The following WSCD2 variants were observed in gnomAD, a reference collection of about 807,000 sequenced individuals.
WSCD2 encodes sialate:O-sulfotransferase 2.
WSCD2 carries 28 observed loss-of-function variants against 55.7 expected under a neutral mutation model. The observed-to-expected ratio is 0.50, with a 90% CI of 0.37 to 0.69. The LOEUF (loss-of-function observed/expected upper bound fraction) is 0.69, where lower values mean the gene tolerates loss of function less well. WSCD2 is among the 30% of genes least tolerant of loss of function. The pLI is 0.00. For synonymous variants in WSCD2, 301 were observed against 301.9 expected, an observed-to-expected ratio of 1.00 and a Z score of 0.03; for missense variants, 616 against 762.1, an observed-to-expected ratio of 0.81 and a Z score of 2.26.
chr12:108,142,056 C>A (rs1040425026), intron 1 of WSCD2, among the ~76,000 whole-genome samples: 5 of 152,220 alleles, frequency 3.3e-5, no homozygotes, highest in Admixed American at 2.6e-4. Flanking sequence ...GTTTCTTAAT[C>A]TGCTTTAAGT....
At chr12:108,207,456 G>A (rs977965717) in intron 3 of WSCD2, among the ~76,000 whole-genome samples, 5 of 150,094 alleles carry the variant, frequency 3.3e-5, no homozygotes, top group African/African-American at 1.2e-4. Context: ...TGCAACCTCC[G>A]CCTCCCGGGT....
At chr12:108,161,637 A>G (rs151052355) in intron 1 of WSCD2, among the ~76,000 whole-genome samples, 25 of 152,276 alleles carry the variant, frequency 1.6e-4, no homozygotes, top group Admixed American at 4.6e-4. Context: ...GAGAGAATAA[A>G]TTTCTGCTGT....
chr12:108,242,833 T>C (rs1265739820), intron 8 of WSCD2, among the ~76,000 whole-genome samples: 1 of 152,092 alleles, frequency 6.6e-6, no homozygotes, highest in African/African-American at 2.4e-5. Context: ...TCTAAACCAA[T>C]ACTAAGGAAA....
intron 1 of WSCD2, among the ~76,000 whole-genome samples, chr12:108,135,736 G>A (rs987900962): frequency 1.3e-5 from 2 of 152,204 alleles, no homozygotes; most frequent in Non-Finnish European, 2.9e-5. Flanking sequence ...CATCCCAGAG[G>A]AAATATTGGA....
intron 1 of WSCD2, among the ~76,000 whole-genome samples, chr12:108,174,860 C>T (rs776434886): frequency 6.6e-6 from 1 of 152,148 alleles, no homozygotes; most frequent in Non-Finnish European, 1.5e-5. Context: ...GGGCTTCAAG[C>T]GATCCTCCTG....
intron 4 of WSCD2, among the ~76,000 whole-genome samples, chr12:108,221,358 C>G (rs1395335164): frequency 6.6e-6 from 1 of 152,064 alleles, no homozygotes; most frequent in Admixed American, 6.5e-5. Flanking sequence ...AGTTCCAGAC[C>G]AGCCTGGCCA....
intron 2 of WSCD2, among the ~76,000 whole-genome samples, chr12:108,197,942 C>T (rs953089744): frequency 1.3e-5 from 2 of 148,454 alleles, no homozygotes; most frequent in Non-Finnish European, 3.0e-5. Context: ...TCTGGGATGC[C>T]GTCTCCCCAG....
chr12:108,176,907 G>T (rs1000900708), intron 1 of WSCD2, among the ~76,000 whole-genome samples: 2 of 152,108 alleles, frequency 1.3e-5, no homozygotes, highest in Non-Finnish European at 2.9e-5. Flanking sequence ...ACGTGAAAGC[G>T]ATTAGAAGTG....
chr12:108,203,992 T>A lies in WSCD2; in HGVS notation c.383-2297T>A, dbSNP rs1885021856. ...ATTTTGAAAAGAGGAAAAGCGGAAGTAACATGAGTAGTTACCAGTCAGAAC... is the reference window on the plus strand; with the variant it reads ...ATTTTGAAAAGAGGAAAAGCGGAAGAAACATGAGTAGTTACCAGTCAGAAC... On this transcript the variant is annotated intron_variant, in intron 2 of 8. Transcript: ENST00000547525. Among the ~76,000 whole-genome samples, 7 of 152,346 alleles carry A rather than the reference T, an allele frequency of 4.6e-5. No individual in the cohort carries two copies. The South Asian group carries it at 1.5e-3, about 32-fold the overall frequency.
At chr12:108,173,807 T>G (rs1460101640) in intron 1 of WSCD2, among the ~76,000 whole-genome samples, 1 of 128,914 alleles carries the variant, frequency 7.8e-6, no homozygotes, top group Non-Finnish European at 1.7e-5. Context: ...GATTCCTGGC[T>G]CTCTGTGTGT....
chr12:108,158,032 C>T (rs1359827249), intron 1 of WSCD2, among the ~76,000 whole-genome samples: 2 of 152,130 alleles, frequency 1.3e-5, no homozygotes, highest in East Asian at 3.8e-4. Flanking sequence ...CCATGTCAGC[C>T]AACATCCTAC....
intron 1 of WSCD2, among the ~76,000 whole-genome samples, chr12:108,153,082 G>A (rs1022911985): frequency 3.4e-5 from 5 of 146,472 alleles, no homozygotes; most frequent in Non-Finnish European, 7.6e-5. Flanking sequence ...CAGCCTGGGT[G>A]ACAGAGTGAG....
At chr12:108,211,665 A>ATATATATATATATT (rs1565970125) in intron 4 of WSCD2, among the ~76,000 whole-genome samples, 2 of 147,694 alleles carry the variant, frequency 1.4e-5, no homozygotes, top group African/African-American at 5.0e-5. Flanking sequence ...ATATATATAT[A>ATATATATATATATT]TTTTTTGAGA....
intron 7 of WSCD2, 61 bp from the exon 8 acceptor site, chr12:108,240,283 G>T (rs555592022): frequency 6.3e-6 from 10 of 1,594,508 alleles, no homozygotes; most frequent in Admixed American, 1.7e-5. Flanking sequence ...AGAAGAGAGT[G>T]GGGTGGGCTT....
intron 7 of WSCD2, among the ~76,000 whole-genome samples, chr12:108,235,978 G>C (rs945072974): frequency 2.0e-5 from 3 of 152,142 alleles, no homozygotes; most frequent in African/African-American, 7.2e-5. Flanking sequence ...GCTGAAAGAT[G>C]CTTAACTTCA....
intron 6 of WSCD2, among the ~76,000 whole-genome samples, chr12:108,230,745 C>T (rs1425927796): frequency 2.6e-5 from 4 of 152,200 alleles, no homozygotes; most frequent in Non-Finnish European, 5.9e-5. Context: ...AGGAGGGCAG[C>T]GCTCTGCCCT....
chr12:108,223,669 G>T (rs1261091052), intron 4 of WSCD2, among the ~76,000 whole-genome samples: 1 of 152,180 alleles, frequency 6.6e-6, no homozygotes, highest in African/African-American at 2.4e-5. Flanking sequence ...GGTGACTGTT[G>T]GTGGTGATCA....
intron 2 of WSCD2, among the ~76,000 whole-genome samples, chr12:108,203,544 GTC>G (rs1884970530): frequency 6.6e-6 from 1 of 152,196 alleles, no homozygotes; most frequent in African/African-American, 2.4e-5. Context: ...GTCTCCTGTG[GTC>G]AGGGAAAGTA....
At chr12:108,211,226 T>TG (rs1017295890) in intron 4 of WSCD2, among the ~76,000 whole-genome samples, 2 of 152,188 alleles carry the variant, frequency 1.3e-5, no homozygotes, top group African/African-American at 2.4e-5. Flanking sequence ...TGATAAAAGA[T>TG]GGGGGGTGCT....
Sources: gnomAD v4.1 joint callset for allele counts (sites outside exome capture counted in the v4.1 genomes callset) on GRCh38, gnomAD v4.1.1 for gene constraint, MANE v1.5 for transcripts, NCBI Gene and HGNC (gene_info 2026-07-23, HGNC 2026-07-21) for gene names.